The following PSMA2 variants were observed in gnomAD, a reference collection of about 807,000 sequenced individuals.
PSMA2 encodes the protein proteasome 20S subunit alpha 2.
Under a neutral mutation model 35.9 loss-of-function variants are expected in PSMA2, and 2 were observed. The observed-to-expected ratio is 0.06, with a 90% CI of 0.02 to 0.18. PSMA2 has a LOEUF of 0.18. Ranked by LOEUF, PSMA2 falls within the 10% of genes least tolerant of loss-of-function variation. The pLI is 1.00. For synonymous variants in PSMA2, 97 were observed against 98.2 expected, an observed-to-expected ratio of 0.99 and a Z score of 0.07; for missense variants, 126 against 278.8, an observed-to-expected ratio of 0.45 and a Z score of 3.90.
intron 6 of PSMA2, chr7:42,920,934 T>C (rs1186504834): frequency 6.6e-6 from 1 of 152,186 alleles, no homozygotes; most frequent in Non-Finnish European, 1.5e-5. Context: ...GTCACTCATA[T>C]GTGGGAGCTA....
intron 6 of PSMA2, chr7:42,918,056 G>T: frequency 6.5e-6 from 2 of 307,384 alleles, no homozygotes; most frequent in Non-Finnish European, 5.8e-6. Context: ...ACCCTAAAAT[G>T]AGTTTAGTTT....
chr7:42,917,275 T>G lies in PSMA2; in HGVS notation c.*299A>C. On this transcript the variant is annotated 3_prime_UTR_variant, in exon 8 of 8. Coordinates refer to ENST00000223321, the MANE Select transcript of PSMA2 (RefSeq NM_002787.5). ...CTGATAGCGAAGAGGGCATTAAGAT[T>G]TGACTTAACCAAAATTGCCTGACAA... The G allele has an allele frequency of 4.2e-6, 1 of 236,872 alleles. No homozygotes were observed. Among genetic ancestry groups the G allele is most frequent in the Non-Finnish European group, 8.2e-6 (1 of 121,458 alleles). The allele number at this position is 236,872 out of a possible 1,614,324, so 14.7% of individuals were successfully genotyped here.
chr7:42,924,493 C>T (rs573072286), intron 4 of PSMA2, among the ~76,000 whole-genome samples, 182 bp downstream of exon 4: 17 of 151,566 alleles, frequency 1.1e-4, no homozygotes, highest in Non-Finnish European at 1.8e-4. Flanking sequence ...CAAGAAAACA[C>T]ATTTTTTTCC....
intron 6 of PSMA2, chr7:42,919,833 C>G (rs1014165819): frequency 5.5e-6 from 4 of 729,546 alleles, no homozygotes; most frequent in Non-Finnish European, 1.0e-5. Flanking sequence ...CTACAAAGGA[C>G]ACTCTGGTCC....
intron 6 of PSMA2, chr7:42,919,844 T>C (rs1231261716): frequency 2.7e-6 from 2 of 744,380 alleles, no homozygotes; most frequent in Non-Finnish European, 5.1e-6. Flanking sequence ...ACTCTGGTCC[T>C]ATTCACTGTG....
chr7:42,931,148 G>C (rs1384177117), intron 1 of PSMA2: 1 of 455,158 alleles, frequency 2.2e-6, no homozygotes, highest in Non-Finnish European at 4.4e-6. Context: ...TAGTTCATCT[G>C]TAAGAAGCTG....
rs774096525 is a variant in PSMA2 at position 42,932,132 on chromosome 7, C to A, written c.27G>T (p.Ser9=). MAERGYSF[S]LTTFSPSGKL... is the part of the protein sequence containing the mutation. Reference sequence around the variant, plus strand: ...CCCTTCCATACCTGAATGTAGTCAGCGAAAAGCTGTACCCGCGCTCCGCCA... The same window carrying A: ...CCCTTCCATACCTGAATGTAGTCAGAGAAAAGCTGTACCCGCGCTCCGCCA... Residue 9 remains serine (S), a synonymous_variant, in exon 1 of 8, where the codon TCG becomes TCT. Transcript: ENST00000223321. 1 of 1,614,148 alleles carries A rather than the reference C, an allele frequency of 6.2e-7. No individual in the cohort carries two copies. Among genetic ancestry groups the A allele is most frequent in the South Asian group, 1.1e-5 (1 of 91,082 alleles).
intron 2 of PSMA2, 52 bp downstream of exon 2, chr7:42,927,331 T>C (rs1786229805): frequency 6.8e-7 from 1 of 1,480,410 alleles, no homozygotes; most frequent in South Asian, 1.2e-5. Flanking sequence ...AATTCCAAAA[T>C]AATTAGGATA....
At chr7:42,928,211 G>A (rs1786243544) in intron 1 of PSMA2, among the ~76,000 whole-genome samples, 1 of 152,134 alleles carries the variant, frequency 6.6e-6, no homozygotes, top group African/African-American at 2.4e-5. Flanking sequence ...CAAGTGTCCT[G>A]TACCTATTTC....
chr7:42,928,114 G>A lies in PSMA2; in HGVS notation c.42-655C>T, dbSNP rs577514034. On this transcript the variant is annotated intron_variant, in intron 1 of 7. Transcript: ENST00000223321. ...ACACAGTAACCACAACTGGTTTTCC[G>A]TATCAGTGGATTCCACAGGGCTGAC... Among the ~76,000 whole-genome samples, 11 of 152,218 alleles carry A rather than the reference G, an allele frequency of 7.2e-5. No individual in the cohort carries two copies. In the South Asian group the frequency reaches 1.5e-3, roughly 20 times the overall value.
intron 1 of PSMA2, among the ~76,000 whole-genome samples, chr7:42,929,164 T>C (rs775727115): frequency 1.7e-4 from 26 of 152,282 alleles, no homozygotes; most frequent in Admixed American, 3.9e-4. Context: ...CCACAATCAT[T>C]TGGCTGACAG....
intron 1 of PSMA2, among the ~76,000 whole-genome samples, chr7:42,931,489 T>TC (rs937783370): frequency 1.3e-5 from 2 of 150,470 alleles, no homozygotes; most frequent in African/African-American, 4.9e-5. Context: ...TCCCCGACGT[T>TC]CCCCCCAGTC....
chr7:42,922,780 G>C (rs568184190), intron 5 of PSMA2, among the ~76,000 whole-genome samples: 1 of 152,222 alleles, frequency 6.6e-6, no homozygotes, highest in Admixed American at 6.5e-5. Context: ...TTTGTCTTAA[G>C]GTTCTCATAG....
chr7:42,921,644 G>A (rs954646406), intron 6 of PSMA2: 4 of 375,552 alleles, frequency 1.1e-5, no homozygotes, highest in African/African-American at 6.2e-5. Context: ...AATGTAGAAA[G>A]AGAACTCCTT....
At chr7:42,919,483 A>G in intron 6 of PSMA2, 1 of 524,100 alleles carries the variant, frequency 1.9e-6, no homozygotes, top group East Asian at 4.8e-5. Context: ...TCTGATATTA[A>G]AAAGGCCCTA....
intron 6 of PSMA2, chr7:42,921,592 A>T (rs1025962780): frequency 3.4e-6 from 1 of 290,346 alleles, no homozygotes; most frequent in Non-Finnish European, 6.3e-6. Context: ...ACAAAAAGTG[A>T]AGTAAAAAGT....
chr7:42,926,806 C>T (rs1451506467), intron 2 of PSMA2, 138 bp from the exon 3 acceptor site: 5 of 1,016,730 alleles, frequency 4.9e-6, no homozygotes, highest in Non-Finnish European at 6.7e-6. Context: ...AGTCCTATTA[C>T]CAAAATTACC....
At chr7:42,921,601 G>T (rs1015945516) in intron 6 of PSMA2, 1 of 310,226 alleles carries the variant, frequency 3.2e-6, no homozygotes. Context: ...GAAGTAAAAA[G>T]TAAAAAAACC....
chr7:42,919,701 C>A, intron 6 of PSMA2: 1 of 562,692 alleles, frequency 1.8e-6, no homozygotes. Flanking sequence ...CAATTAAATC[C>A]TTTCAAGCTC....
Sources: gnomAD v4.1 joint callset for allele counts (sites outside exome capture counted in the v4.1 genomes callset) on GRCh38, gnomAD v4.1.1 for gene constraint, MANE v1.5 for transcripts, NCBI Gene and HGNC (gene_info 2026-07-23, HGNC 2026-07-21) for gene names.